The following SUMF2 variants were observed in gnomAD, a reference collection of about 807,000 sequenced individuals.
The protein encoded by SUMF2 is inactive C-alpha-formylglycine-generating enzyme 2.
In SUMF2, 45 loss-of-function variants were observed where a neutral mutation model predicts 44.8. The ratio of observed to expected loss-of-function variants is 1.00; its 90% confidence interval spans 0.79 to 1.29. The LOEUF (loss-of-function observed/expected upper bound fraction) is 1.29, where lower values mean the gene tolerates loss of function less well. Ranked by LOEUF, SUMF2 falls within the 50% of genes most tolerant of loss-of-function variation. The pLI is 0.00. For synonymous variants in SUMF2, 148 were observed against 150.4 expected (o/e 0.98, Z 0.12); for missense variants, 418 against 389.9 (o/e 1.07, Z -0.61).
At position 56,080,189 on chromosome 7, in the gene SUMF2, T is replaced by C. The variant is rs1302150597; in HGVS notation, c.*577T>C. 7.6e-6 allele frequency: 2 copies of C among 263,204 alleles called. No homozygotes were observed. Among genetic ancestry groups the C allele is most frequent in the African/African-American group, 4.5e-5 (2 of 44,722 alleles). The allele number at this position is 263,204 out of a possible 1,614,324, so 16.3% of individuals were successfully genotyped here. On this transcript the variant is annotated 3_prime_UTR_variant, in exon 9 of 9. Transcript: ENST00000434526. ...TGGGAGAACCAGATGATGTACTAGG[T>C]GAAGCATTGCATTGTGGGAATCACA...
At chr7:56,085,083 C>T (rs1796197012), downstream of SUMF2, among the ~76,000 whole-genome samples, 1 of 152,092 alleles carries the variant, frequency 6.6e-6, no homozygotes, top group Non-Finnish European at 1.5e-5. Flanking sequence ...GCCTCATCCT[C>T]CTGAGTGACT....
At chr7:56,074,303 TC>T in intron 4 of SUMF2, 85 bp downstream of exon 4, 3 of 1,382,690 alleles carry the variant, frequency 2.2e-6, no homozygotes, top group Non-Finnish European at 3.1e-6. Flanking sequence ...CCCTCGTACA[TC>T]CAGGAACACT....
chr7:56,081,866 C>G, downstream of SUMF2: 1 of 1,612,352 alleles, frequency 6.2e-7, no homozygotes. The surrounding 1 kb of genome is among the most constrained non-coding windows in gnomAD (Gnocchi z 4.6). Context: ...GCCCTGAGCC[C>G]AGGAGCCAGT....
chr7:56,071,812 A>ATAATTAAT (rs1554365059), intron 2 of SUMF2, among the ~76,000 whole-genome samples: 38 of 149,704 alleles, frequency 2.5e-4, no homozygotes, highest in African/African-American at 8.9e-4. Context: ...AAATAAATAA[A>ATAATTAAT]TAATTAAATA....
At chr7:56,067,927 C>A (rs1794912703) in intron 1 of SUMF2, among the ~76,000 whole-genome samples, 1 of 148,930 alleles carries the variant, frequency 6.7e-6, no homozygotes, top group Non-Finnish European at 1.5e-5. Flanking sequence ...GAAATTGAAT[C>A]TCAGATTAAG....
chr7:56,079,357 G>C, intron 8 of SUMF2, 171 bp from the exon 9 acceptor site: 1 of 668,466 alleles, frequency 1.5e-6, no homozygotes, highest in Non-Finnish European at 2.6e-6. Context: ...TCCCAGGACT[G>C]GCACAGGCTC....
intron 6 of SUMF2, among the ~76,000 whole-genome samples, chr7:56,077,339 G>A (rs1397426582): frequency 2.7e-5 from 4 of 146,776 alleles, no homozygotes; most frequent in African/African-American, 7.5e-5. Flanking sequence ...ATGAGCCACC[G>A]TGCCCAGCCA....
chr7:56,074,118 G>C (rs1363154371), intron 3 of SUMF2, 56 bp from the exon 4 acceptor site: 2 of 1,553,952 alleles, frequency 1.3e-6, no homozygotes, highest in Non-Finnish European at 1.8e-6. Context: ...GCTCAGTCGG[G>C]GAGGTGCCTT....
downstream of SUMF2, chr7:56,083,202 C>T: frequency 7.4e-7 from 1 of 1,344,704 alleles, no homozygotes; most frequent in Non-Finnish European, 1.0e-6. Context: ...GGGGAGAAAC[C>T]CAGACCATCT....
chr7:56,066,202 G>A (rs1794787835), intron 1 of SUMF2, among the ~76,000 whole-genome samples: 1 of 151,974 alleles, frequency 6.6e-6, no homozygotes, highest in South Asian at 2.1e-4. Context: ...GGATCTTGAG[G>A]AACATCAAAA....
intron 5 of SUMF2, among the ~76,000 whole-genome samples, chr7:56,076,338 T>A (rs1400121594): frequency 2.6e-5 from 4 of 151,958 alleles, no homozygotes; most frequent in Admixed American, 2.6e-4. Flanking sequence ...ATTTTTGTAT[T>A]TTTAGTAGAG....
rs1461049566 is a variant in SUMF2 at position 56,064,459 on chromosome 7, C to A, written c.67+81C>A. ...CCCTGACGGGAGAGAGCCTTAGGCC[C>A]TTCTGCCGGCTTCCGGGATGCGGCT... On this transcript the variant is annotated intron_variant, in intron 1 of 8. Transcript: ENST00000434526. 22 of 1,481,376 alleles carry A rather than the reference C, an allele frequency of 1.5e-5. No individual in the cohort carries two copies. In the South Asian group the frequency reaches 2.8e-4, roughly 19 times the overall value. 91.8% of individuals were successfully genotyped at this position (1,481,376 alleles called of 1,614,324 possible).
At chr7:56,070,502 C>A (rs993657436) in intron 2 of SUMF2, among the ~76,000 whole-genome samples, 1 of 151,802 alleles carries the variant, frequency 6.6e-6, no homozygotes, top group East Asian at 1.9e-4. Context: ...TGGTAGCACA[C>A]ACTTGTAGTC....
chr7:56,074,041 A>AT (rs1056203306), intron 3 of SUMF2, 133 bp from the exon 4 acceptor site: 5 of 649,670 alleles, frequency 7.7e-6, no homozygotes, highest in Admixed American at 2.5e-5. Context: ...AAAAAAAAAA[A>AT]AAATCAGCCA....
At chr7:56,084,812 C>A (rs575447467), downstream of SUMF2, among the ~76,000 whole-genome samples, 11 of 152,122 alleles carry the variant, frequency 7.2e-5, no homozygotes, top group Admixed American at 5.2e-4. Context: ...AAGGACTCTG[C>A]TAGAACAATC....
downstream of SUMF2, among the ~76,000 whole-genome samples, chr7:56,082,645 G>C (rs1045480891): frequency 3.9e-5 from 6 of 152,040 alleles, no homozygotes; most frequent in Admixed American, 2.6e-4. Context: ...GAACAGAAAT[G>C]GCGCTCGGGC....
intron 5 of SUMF2, 139 bp from the exon 6 acceptor site, chr7:56,076,695 C>A: frequency 1.4e-6 from 1 of 734,988 alleles, no homozygotes; most frequent in African/African-American, 1.8e-5. Flanking sequence ...ATGGGCATGG[C>A]AAATAAAAGC....
chr7:56,072,174 C>G (rs965135087), intron 2 of SUMF2, among the ~76,000 whole-genome samples: 2 of 151,288 alleles, frequency 1.3e-5, no homozygotes, highest in African/African-American at 4.9e-5. Context: ...ACCTGTAATC[C>G]CAACACTTTG....
At chr7:56,082,009 C>T (rs375990959), downstream of SUMF2, 38 of 1,613,768 alleles carry the variant, frequency 2.4e-5, no homozygotes, top group Middle Eastern at 1.6e-4. Context: ...GGCGGGGAGC[C>T]GGCCAGCAGC....
Sources: allele counts gnomAD v4.1 joint callset (sites outside exome capture counted in the v4.1 genomes callset), GRCh38; gene constraint gnomAD v4.1.1; non-coding constraint Gnocchi (gnomAD v3.1); transcripts MANE v1.5; gene names NCBI Gene and HGNC (gene_info 2026-07-23, HGNC 2026-07-21).